Variants in RAVER1 observed in about 807,000 individuals in gnomAD.
The protein encoded by RAVER1 is ribonucleoprotein, PTB binding 1.
Under a neutral mutation model 68.4 loss-of-function variants are expected in RAVER1, and 36 were observed. The observed-to-expected ratio is 0.53, with a 90% CI of 0.40 to 0.70. The LOEUF is 0.70. Among genes scored for constraint, RAVER1 ranks in the 30% least tolerant of loss-of-function variants. The pLI is 0.00. For synonymous variants in RAVER1, 469 were observed against 472.7 expected, an observed-to-expected ratio of 0.99 and a Z score of 0.10; for missense variants, 933 against 1,019.8, an observed-to-expected ratio of 0.91 and a Z score of 1.16.
At position 10,322,720 on chromosome 19, in the gene RAVER1, T is replaced by TG. The variant is rs768618392; in HGVS notation, c.1097dup (p.Ala367SerfsTer83). On this transcript the variant is annotated frameshift_variant, in exon 6 of 13. Transcript: ENST00000617231. LOFTEE classifies it high-confidence loss of function. This position sits in a 1 kb window ranked among gnomAD's most constrained non-coding sequence, Gnocchi z 4.3. ...CTGGCCCATTGAGCAGCGGCATGGC[T>TG]GGGGGGGCACCCAGGAGGCCTGGAG... 25 of 1,514,136 alleles carry TG rather than the reference T, an allele frequency of 1.7e-5. No homozygotes were observed. The highest frequency in any genetic ancestry group is 2.9e-5 in the African/African-American group (2 of 69,216). The allele number at this position is 1,514,136 out of a possible 1,614,324, so 93.8% of individuals were successfully genotyped here.
In RAVER1 at chr19:10,321,560, G is replaced by A; in HGVS notation, c.1232C>T (p.Ala411Val). The change falls in exon 7 of 13, where the codon GCC (alanine) becomes GTC (valine). Residue 411 changes from alanine to valine, a missense_variant. Ala to Val is a moderately conservative substitution (Grantham distance 64). Around this residue, in one of 3 missense-constraint regions of RAVER1, gnomAD observed 699 missense variants for 731.1 expected, o/e 0.96. Coordinates refer to ENST00000617231, the MANE Select transcript of RAVER1 (RefSeq NM_133452.3). ...AGGCAGCTCCCCGAGGAGGGGGTTG[G>A]CTGGCTGGGCCCCAGGCTGGAGGGC... is the stretch of plus-strand genomic sequence containing the variant. ...LGALQPGAQPANPLLGELPAG... is the reference protein window; with the variant it reads ...LGALQPGAQPVNPLLGELPAG... 7.3e-7 allele frequency: 1 copy of A among 1,371,258 alleles called. No homozygotes were observed. The highest frequency in any genetic ancestry group is 2.1e-5 in the South Asian group (1 of 46,566). 84.9% of individuals were successfully genotyped at this position (1,371,258 alleles called of 1,614,324 possible). A position where few individuals can be genotyped will look rare whatever the true frequency, so the allele number is the denominator to read the frequency against.
chr19:10,325,657 A>T (rs2145077129), intron 3 of RAVER1, among the ~76,000 whole-genome samples: 1 of 152,294 alleles, frequency 6.6e-6, no homozygotes, highest in Middle Eastern at 3.4e-3. Context: ...ATAAAATTTT[A>T]AAAATCAGCT....
In RAVER1 at chr19:10,318,300, A is replaced by G. The variant is rs901525614; in HGVS notation, c.1918T>C (p.Tyr640His). 4.4e-6 allele frequency: 7 copies of G among 1,599,564 alleles called. No individual in the cohort carries two copies. The highest frequency in any genetic ancestry group is 5.1e-6 in the Non-Finnish European group (6 of 1,174,318). ...GSGGGPLSHF[Y>H]SGSPTSYFTS... is the part of the protein sequence containing the mutation. ...AAGTAGGAAGTGGGCGAGCCTGAAT[A>G]GAAGTGAGACAGGGGGCCCCCGCCA... Residue 640 changes from tyrosine to histidine, a missense_variant, in exon 11 of 13, where the codon TAT becomes CAT. This residue lies in a region of RAVER1 where 699 missense variants were observed against 731.1 expected (regional missense o/e 0.96). Transcript: ENST00000617231.
At chr19:10,321,368 G>T in intron 7 of RAVER1, 109 bp from the exon 8 acceptor site, 1 of 788,790 alleles carries the variant, frequency 1.3e-6, no homozygotes, top group Non-Finnish European at 1.8e-6. Context: ...ACAAATCCAT[G>T]CTGGCCACTG....
chr19:10,321,295 C>T, intron 7 of RAVER1, 36 bp from the exon 8 acceptor site: 2 of 1,083,518 alleles, frequency 1.8e-6, no homozygotes, highest in Non-Finnish European at 1.2e-6. Context: ...GGCCCAGGCT[C>T]ACAGGACCCC....
rs904717139 is a variant in RAVER1, at chr19:10,328,576, C to T, written c.756+66G>A. On this transcript the variant is annotated intron_variant, in intron 3 of 12. Coordinates refer to ENST00000617231, the MANE Select transcript of RAVER1 (RefSeq NM_133452.3). The surrounding 1 kb of genome is among the most constrained non-coding windows in gnomAD (Gnocchi z 4.4). ...AAAAAAAAAAAGAAAAGGCAGATGA[C>T]TCCAAAGACTCTCTCAGGTGCTCCG... 1.4e-5 allele frequency: 15 copies of T among 1,072,832 alleles called. No individual in the cohort carries two copies. The African/African-American group carries it at 2.4e-4, about 17-fold the overall frequency. The allele number at this position is 1,072,832 out of a possible 1,614,324, so 66.5% of individuals were successfully genotyped here. A position where few individuals can be genotyped will look rare whatever the true frequency, so the allele number is the denominator to read the frequency against.
rs1364773827 is a variant in RAVER1, at chr19:10,317,980, C to CA, written c.1990-208dup. ...GGTTTTCTCATCTGTCAGATGGGGC[C>CA]AGTAGCACCCACAGCCTGGGCTGTA... On this transcript the variant is annotated intron_variant, in intron 11 of 12. Transcript: ENST00000617231. The surrounding 1 kb of genome is among the most constrained non-coding windows in gnomAD (Gnocchi z 4.3). 6.6e-6 allele frequency among the ~76,000 whole-genome samples: 1 copy of CA among 152,218 alleles called. No individual in the cohort carries two copies. The highest frequency in any genetic ancestry group is 6.5e-5 in the Admixed American group (1 of 15,280).
Position 10,329,459 on chromosome 19 carries a change from C to G in RAVER1, c.287-348G>C, listed in dbSNP as rs2040498553. On this transcript the variant is annotated intron_variant, in intron 2 of 12. Coordinates refer to ENST00000617231, the MANE Select transcript of RAVER1 (RefSeq NM_133452.3). The surrounding 1 kb of genome is among the most constrained non-coding windows in gnomAD (Gnocchi z 4.6). The stretch of plus-strand genomic sequence containing the variant: ...GGGGCCCAGATTTAAGCCCCAAGCC[C>G]CAGGTGGCTTTGGGGGTATCAGTTT... Among the ~76,000 whole-genome samples, 2 of 152,238 alleles carry G rather than the reference C, an allele frequency of 1.3e-5. No homozygotes were observed. The highest frequency in any genetic ancestry group is 6.5e-5 in the Admixed American group (1 of 15,282).
intron 1 of RAVER1, among the ~76,000 whole-genome samples, chr19:10,331,390 C>CAAA (rs1568314187): frequency 3.5e-4 from 11 of 31,744 alleles, no homozygotes; most frequent in African/African-American, 9.4e-4. Flanking sequence ...AAAATAACAA[C>CAAA]AACAAAAAAA....
rs1202522021 is a variant in RAVER1, at chr19:10,316,295, C to T, written c.*1159G>A. 4.2e-5 allele frequency: 52 copies of T among 1,225,396 alleles called. No individual in the cohort carries two copies. The highest frequency in any genetic ancestry group is 5.3e-5 in the Non-Finnish European group (52 of 979,934). 75.9% of individuals were successfully genotyped at this position (1,225,396 alleles called of 1,614,324 possible). A position where few individuals can be genotyped will look rare whatever the true frequency, so the allele number is the denominator to read the frequency against. ...TGGGGTGGGGTCGGGGGAATAGTCC[C>T]CTTGGAGTGGATGTGGACCCCCAGA... On this transcript the variant is annotated 3_prime_UTR_variant, in exon 13 of 13. Coordinates refer to ENST00000617231, the MANE Select transcript of RAVER1 (RefSeq NM_133452.3).
Position 10,323,473 on chromosome 19 carries a change from C to CGGCAATACATCTCA in RAVER1, c.849_850insTGAGATGTATTGCC (p.Gly284Ter), listed in dbSNP as rs2040453712. The CGGCAATACATCTCA allele has an allele frequency of 6.2e-7, 1 of 1,609,544 alleles. No individual in the cohort carries two copies. The highest frequency in any genetic ancestry group is 8.5e-7 in the Non-Finnish European group (1 of 1,179,632). ...AGGTGGCTGCCCCCCAGGGACAGGC[C>CGGCAATACATCTCA]GTCCGCCTGCTGCTGTGCCTCCTCC... On this transcript the variant is annotated stop_gained and frameshift_variant, in exon 4 of 13. Coordinates refer to ENST00000617231, the MANE Select transcript of RAVER1 (RefSeq NM_133452.3). LOFTEE classifies it high-confidence loss of function. This position sits in a 1 kb window ranked among gnomAD's most constrained non-coding sequence, Gnocchi z 6.2.
rs776578152 is a variant in RAVER1 at position 10,333,405 on chromosome 19, C to T, written c.103G>A (p.Glu35Lys). The T allele has an allele frequency of 1.2e-6, 2 of 1,613,636 alleles. No homozygotes were observed. Among genetic ancestry groups the T allele is most frequent in the African/African-American group, 2.7e-5 (2 of 74,940 alleles). Residue 35 changes from glutamate (E) to lysine (K), a missense_variant, in exon 1 of 13, where the codon GAG (glutamate) becomes AAG (lysine). This residue lies in a region of RAVER1 where 211 missense variants were observed against 230.0 expected (regional missense o/e 0.92). Transcript: ENST00000617231. This position sits in a 1 kb window ranked among gnomAD's most constrained non-coding sequence, Gnocchi z 4.2. The stretch of plus-strand genomic sequence containing the variant: ...TCTTCTGGATCTAGAGGCGGCAGCT[C>T]TTCTTCCGGCGCCCGGCGCTCCGCG... ...DAAERRAPEE[E>K]LPPLDPEEIR...
chr19:10,324,111 G>A (rs1034709563), intron 3 of RAVER1, among the ~76,000 whole-genome samples: 3 of 148,518 alleles, frequency 2.0e-5, no homozygotes, highest in Non-Finnish European at 4.4e-5. Context: ...CCGAGATCGC[G>A]CCACTGCACT....
At position 10,322,395 on chromosome 19, in the gene RAVER1, C is replaced by T; in HGVS notation, c.1173+250G>A. ...AATGGGCGTGTCCAGGTCCCCTGAC[C>T]CCACCCCAGGCACCAAGTCCAGGGG... On this transcript the variant is annotated intron_variant, in intron 6 of 12. Coordinates refer to ENST00000617231, the MANE Select transcript of RAVER1 (RefSeq NM_133452.3). This position sits in a 1 kb window ranked among gnomAD's most constrained non-coding sequence, Gnocchi z 4.3. 2.1e-6 allele frequency: 1 copy of T among 477,846 alleles called. No homozygotes were observed. The highest frequency in any genetic ancestry group is 3.7e-6 in the Non-Finnish European group (1 of 273,776). 29.6% of individuals were successfully genotyped at this position (477,846 alleles called of 1,614,324 possible). A position where few individuals can be genotyped will look rare whatever the true frequency, so the allele number is the denominator to read the frequency against.
At chr19:10,326,827 C>T (rs557193454) in intron 3 of RAVER1, among the ~76,000 whole-genome samples, 4 of 144,348 alleles carry the variant, frequency 2.8e-5, no homozygotes, top group East Asian at 2.0e-4. Flanking sequence ...AGTACAGTGG[C>T]GTGATCTCAG....
Position 10,333,166 on chromosome 19 carries a change from T to G in RAVER1, c.219+123A>C, listed in dbSNP as rs2040535950. On this transcript the variant is annotated intron_variant, in intron 1 of 12. Transcript: ENST00000617231. The surrounding 1 kb of genome is among the most constrained non-coding windows in gnomAD (Gnocchi z 4.2). Reference sequence around the variant, plus strand: ...TTGGTCTCTCCCGATCCCGCGTGGATCCGGTGCTTGGGCGCCCCCGCCAAC... The same window carrying G: ...TTGGTCTCTCCCGATCCCGCGTGGAGCCGGTGCTTGGGCGCCCCCGCCAAC... The G allele has an allele frequency of 4.2e-6, 4 of 945,442 alleles. No individual in the cohort carries two copies. Among genetic ancestry groups the G allele is most frequent in the Admixed American group, 2.7e-5 (1 of 37,150 alleles). 58.6% of individuals were successfully genotyped at this position (945,442 alleles called of 1,614,324 possible).
chr19:10,316,386 A>C lies in RAVER1; in HGVS notation c.*1068T>G. 1 of 1,055,016 alleles carries C rather than the reference A, an allele frequency of 9.5e-7. No individual in the cohort carries two copies. Among genetic ancestry groups the C allele is most frequent in the Non-Finnish European group, 1.1e-6 (1 of 874,188 alleles). The allele number at this position is 1,055,016 out of a possible 1,614,324, so 65.4% of individuals were successfully genotyped here. The stretch of plus-strand genomic sequence containing the variant: ...AGGCCCAGGGTCACCTCAGGTCGAC[A>C]GGTCCTGCTGGTGGGCGGGCCCAGA... On this transcript the variant is annotated 3_prime_UTR_variant, in exon 13 of 13. Coordinates refer to ENST00000617231, the MANE Select transcript of RAVER1 (RefSeq NM_133452.3).
At position 10,322,752 on chromosome 19, in the gene RAVER1, A is replaced by C; in HGVS notation, c.1079-13T>G. 1 of 1,445,800 alleles carries C rather than the reference A, an allele frequency of 6.9e-7. No homozygotes were observed. The highest frequency in any genetic ancestry group is 1.5e-5 in the South Asian group (1 of 68,136). 89.6% of individuals were successfully genotyped at this position (1,445,800 alleles called of 1,614,324 possible). ...GCACCCAGGAGGCCTGGAGGGAGAC[A>C]TAGGAGGATGTGTGGGGGTCCCTGT... On this transcript the variant is annotated splice_polypyrimidine_tract_variant and intron_variant, in intron 5 of 12. Coordinates refer to ENST00000617231, the MANE Select transcript of RAVER1 (RefSeq NM_133452.3). The surrounding 1 kb of genome is among the most constrained non-coding windows in gnomAD (Gnocchi z 4.3).
Position 10,318,269 on chromosome 19 carries a change from C to T in RAVER1, c.1949G>A (p.Ser650Asn). The T allele has an allele frequency of 6.2e-7, 1 of 1,605,556 alleles. No individual in the cohort carries two copies. Among genetic ancestry groups the T allele is most frequent in the South Asian group, 1.1e-5 (1 of 90,096 alleles). The part of the protein sequence containing the change: ...YSGSPTSYFT[S>N]GLQAGLKQSH... ...CTGCTTGAGGCCAGCCTGCAGGCCG[C>T]TGGTGAAGTAGGAAGTGGGCGAGCC... The change falls in exon 11 of 13, where the codon AGC becomes AAC. Residue 650 changes from serine to asparagine, a missense_variant. Ser to Asn is a conservative substitution (Grantham distance 46). Around this residue, in one of 3 missense-constraint regions of RAVER1, gnomAD observed 699 missense variants for 731.1 expected, o/e 0.96. Transcript: ENST00000617231.
Sources: gnomAD v4.1 joint callset for allele counts (sites outside exome capture counted in the v4.1 genomes callset) on GRCh38, gnomAD v4.1.1 for gene constraint, gnomAD v4.1.1 regional missense constraint, Gnocchi (gnomAD v3.1) non-coding constraint, MANE v1.5 for transcripts, NCBI Gene and HGNC (gene_info 2026-07-23, HGNC 2026-07-21) for gene names.